DMD: variants seen among roughly 807,000 people sequenced by gnomAD.
DMD encodes mutant dystrophin.
Under a neutral mutation model 330.1 loss-of-function variants are expected in DMD, and 63 were observed. The ratio of observed to expected loss-of-function variants is 0.19; its 90% confidence interval spans 0.16 to 0.24. The LOEUF (loss-of-function observed/expected upper bound fraction) is 0.24, where lower values mean the gene tolerates loss of function less well. DMD is among the 10% of genes least tolerant of loss of function. DMD has a pLI of 1.00. For missense variants in DMD, 3,344 were observed against 2,684.1 expected (o/e 1.25, Z -5.43); for synonymous variants, 1,223 against 959.8 (o/e 1.27, Z -5.07).
intron 1 of DMD, among the ~76,000 whole-genome samples, chrX:33,222,519 C>A (rs548509049): frequency 8.9e-6 from 1 of 112,437 alleles, no homozygotes; most frequent in South Asian, 3.6e-4. Context: ...CTCTTATTCA[C>A]GTACTGCTAC....
chrX:33,019,160 T>C (rs987658454), intron 2 of DMD, among the ~76,000 whole-genome samples: 4 of 111,664 alleles, frequency 3.6e-5, no homozygotes, highest in Non-Finnish European at 5.7e-5. Flanking sequence ...ATCATGAATT[T>C]TACAAAATCA....
chrX:32,056,390 T>TAAAAAAAAA (rs34726053), intron 44 of DMD, among the ~76,000 whole-genome samples: 6 of 47,523 alleles, frequency 1.3e-4, no homozygotes, highest in Admixed American at 2.3e-4. Context: ...GTAGATTAAG[T>TAAAAAAAAA]AAAAAAAAAA....
At chrX:32,110,069 G>C (rs2096582618) in intron 44 of DMD, among the ~76,000 whole-genome samples, 2 of 111,390 alleles carry the variant, frequency 1.8e-5, no homozygotes, top group South Asian at 7.4e-4. Context: ...CCTATATTCT[G>C]AGATTCAGCG....
At chrX:32,578,519 T>C (rs1472176950) in intron 13 of DMD, among the ~76,000 whole-genome samples, 1 of 112,070 alleles carries the variant, frequency 8.9e-6, no homozygotes, top group Non-Finnish European at 1.9e-5. Flanking sequence ...AATTCACATG[T>C]CATATTGTTG....
chrX:33,087,231 T>C, intron 1 of DMD, among the ~76,000 whole-genome samples: 1 of 112,272 alleles, frequency 8.9e-6, no homozygotes, highest in African/African-American at 3.2e-5. Flanking sequence ...TAAATTAAAG[T>C]TGTTATTTAA....
At chrX:33,191,686 A>C (rs2050657590) in intron 1 of DMD, among the ~76,000 whole-genome samples, 1 of 111,910 alleles carries the variant, frequency 8.9e-6, no homozygotes, top group African/African-American at 3.3e-5. Flanking sequence ...GGCCTCCCAA[A>C]GTGTTGGGAT....
chrX:33,288,476 T>C (rs1298700723), intron 1 of DMD, among the ~76,000 whole-genome samples: 1 of 111,558 alleles, frequency 9.0e-6, no homozygotes, highest in Non-Finnish European at 1.9e-5. Context: ...TCTTGCCCTC[T>C]CTATATTCTT....
chrX:32,478,257 A>G (rs1458535542), intron 21 of DMD, among the ~76,000 whole-genome samples: 1 of 111,443 alleles, frequency 9.0e-6, no homozygotes, highest in Non-Finnish European at 1.9e-5. Flanking sequence ...CTGTGGGGAA[A>G]AAAATGCACT....
intron 44 of DMD, among the ~76,000 whole-genome samples, chrX:32,056,819 G>A (rs1348817372): frequency 1.8e-5 from 2 of 111,133 alleles, no homozygotes; most frequent in Admixed American, 1.9e-4. Context: ...AAGACACTAG[G>A]AGAAAAGTAC....
chrX:31,469,102 T>C (rs1569545246), intron 59 of DMD, among the ~76,000 whole-genome samples: 1 of 111,230 alleles, frequency 9.0e-6, no homozygotes. Flanking sequence ...AGCACACTGA[T>C]GGGTCTTGAG....
In DMD at chrX:31,223,117, G is replaced by A. The variant is rs796934165; in HGVS notation, c.9291C>T (p.Asp3097=). The A allele has an allele frequency of 1.7e-5, 20 of 1,208,935 alleles. No homozygotes were observed. Among genetic ancestry groups the A allele is most frequent in the Non-Finnish European group, 2.1e-5 (19 of 893,105 alleles). Residue 3097 remains aspartate (D), a synonymous_variant, in exon 64 of 79, where the codon GAC becomes GAT. Transcript: ENST00000357033. ...AAGCTGAGAATCTGACATTATTCAG[G>A]TCAGCTGAAAAGAGGGAAAACAAAG... ...KMTELYQSLA[D]LNNVRFSAYR...
At chrX:32,036,641 C>A (rs1486668334) in intron 44 of DMD, among the ~76,000 whole-genome samples, 1 of 111,214 alleles carries the variant, frequency 9.0e-6, no homozygotes, top group South Asian at 3.8e-4. Context: ...TTTGTGTATT[C>A]TTGTAGCTTC....
intron 51 of DMD, among the ~76,000 whole-genome samples, chrX:31,767,039 G>C (rs34198733): frequency 2.7e-5 from 3 of 111,042 alleles, no homozygotes; most frequent in African/African-American, 6.5e-5. Context: ...GGTCTCATTA[G>C]GTAAAGAAAG....
intron 62 of DMD, among the ~76,000 whole-genome samples, chrX:31,300,106 A>G (rs1285426413): frequency 8.9e-6 from 1 of 112,123 alleles, no homozygotes. Context: ...TTGTTTCCAC[A>G]TGGTTTGCTG....
At chrX:31,424,252 G>A (rs1345276438) in intron 60 of DMD, among the ~76,000 whole-genome samples, 31 of 111,763 alleles carry the variant, frequency 2.8e-4, no homozygotes, top group Non-Finnish European at 9.4e-5. Context: ...TTGCACTTTG[G>A]AAACTTCCGT....
chrX:31,932,763 C>T (rs1025069275), intron 45 of DMD, among the ~76,000 whole-genome samples: 2 of 110,377 alleles, frequency 1.8e-5, no homozygotes, highest in Admixed American at 1.9e-4. Context: ...TACATACATA[C>T]GTACGTACAT....
At chrX:31,326,308 GA>G (rs1386001304) in intron 61 of DMD, among the ~76,000 whole-genome samples, 1 of 110,733 alleles carries the variant, frequency 9.0e-6, no homozygotes, top group Non-Finnish European at 1.9e-5. Flanking sequence ...CTAAATAGCT[GA>G]AAATATTTTT....
At chrX:31,950,515 T>C (rs2095146901) in intron 45 of DMD, among the ~76,000 whole-genome samples, 2 of 110,771 alleles carry the variant, frequency 1.8e-5, no homozygotes, top group South Asian at 7.4e-4. Context: ...TGGTTGATAG[T>C]GTTGGTGAAT....
At chrX:31,584,720 G>A (rs6631348) in intron 55 of DMD, among the ~76,000 whole-genome samples, 19,119 of 110,624 alleles carry the variant, frequency 0.17, 1,680 homozygotes, top group African/African-American at 0.32. Flanking sequence ...AAGAGGGAGA[G>A]AATTGACACT....
Sources: gnomAD v4.1 joint callset for allele counts (sites outside exome capture counted in the v4.1 genomes callset) on GRCh38, gnomAD v4.1.1 for gene constraint, MANE v1.5 for transcripts, NCBI Gene and HGNC (gene_info 2026-07-23, HGNC 2026-07-21) for gene names.